SYNPR: variants seen among roughly 807,000 people sequenced by gnomAD.
SYNPR encodes the protein synaptoporin.
SYNPR carries 23 observed loss-of-function variants against 32.9 expected under a neutral mutation model. The observed-to-expected ratio is 0.70, with a 90% CI of 0.50 to 0.99. The LOEUF is 0.99. Among genes scored for constraint, SYNPR ranks in the 50% least tolerant of loss-of-function variants. The probability of loss-of-function intolerance (pLI) is 0.00; values close to 1 mark genes in which losing one functional copy is unlikely to be tolerated. For synonymous variants in SYNPR, 146 were observed against 135.9 expected (o/e 1.07, Z -0.52); for missense variants, 318 against 349.3 (o/e 0.91, Z 0.71).
At chr3:63,325,037 G>A (rs938926) in intron 2 of SYNPR, among the ~76,000 whole-genome samples, 126,646 of 152,128 alleles carry the variant, frequency 0.83, 53,226 homozygotes, top group African/African-American at 0.88. Flanking sequence ...AATGCTTTAT[G>A]AAAATCAGAG....
intron 2 of SYNPR, among the ~76,000 whole-genome samples, chr3:63,305,077 G>T (rs1004659379): frequency 3.3e-5 from 5 of 151,956 alleles, no homozygotes; most frequent in Non-Finnish European, 7.4e-5. Context: ...AAATCTTTAT[G>T]CAGTCCCCTC....
chr3:63,355,107 C>T (rs547132988), intron 2 of SYNPR, among the ~76,000 whole-genome samples: 16 of 152,038 alleles, frequency 1.1e-4, no homozygotes, highest in Admixed American at 7.2e-4. Flanking sequence ...GGTAAAACCC[C>T]GTCTCTACTA....
At chr3:63,412,006 A>C (rs2088473086) in intron 2 of SYNPR, among the ~76,000 whole-genome samples, 1 of 152,108 alleles carries the variant, frequency 6.6e-6, no homozygotes, top group Non-Finnish European at 1.5e-5. Flanking sequence ...GCAGGCCAAG[A>C]GTGGATTACT....
chr3:63,458,430 T>G (rs375203499), intron 2 of SYNPR, among the ~76,000 whole-genome samples: 1 of 152,146 alleles, frequency 6.6e-6, no homozygotes, highest in East Asian at 1.9e-4. Context: ...GTGGTTGTTC[T>G]TTCTAAGGAT....
intron 5 of SYNPR, among the ~76,000 whole-genome samples, chr3:63,610,957 G>C (rs544836126): frequency 1.3e-5 from 2 of 152,182 alleles, no homozygotes; most frequent in African/African-American, 4.8e-5. Context: ...TGAAAGGACA[G>C]GTCCAGTGGT....
At chr3:63,229,302 A>G (rs1157427891) in intron 1 of SYNPR, among the ~76,000 whole-genome samples, 10 of 152,044 alleles carry the variant, frequency 6.6e-5, no homozygotes, top group Non-Finnish European at 1.2e-4. Flanking sequence ...AGCAATTCAC[A>G]TTATCATTGT....
At chr3:63,528,095 C>T (rs1326511196) in intron 3 of SYNPR, among the ~76,000 whole-genome samples, 2 of 152,176 alleles carry the variant, frequency 1.3e-5, no homozygotes, top group Non-Finnish European at 2.9e-5. Flanking sequence ...AAGATAACTA[C>T]AGGAGATAAA....
intron 3 of SYNPR, among the ~76,000 whole-genome samples, chr3:63,513,937 C>A (rs535811452): frequency 1.3e-5 from 2 of 152,052 alleles, no homozygotes; most frequent in Admixed American, 1.3e-4. Context: ...ATTCATAAAC[C>A]TTCTGGAAGT....
At chr3:63,522,103 A>C (rs1304819889) in intron 3 of SYNPR, among the ~76,000 whole-genome samples, 1 of 152,196 alleles carries the variant, frequency 6.6e-6, no homozygotes, top group African/African-American at 2.4e-5. Flanking sequence ...ATTGTACATA[A>C]ACTCATGGAC....
chr3:63,540,292 T>C (rs1702275744), intron 3 of SYNPR, among the ~76,000 whole-genome samples: 1 of 152,112 alleles, frequency 6.6e-6, no homozygotes. Context: ...TCATCTTCTA[T>C]AGACAAAGAA....
intron 2 of SYNPR, among the ~76,000 whole-genome samples, chr3:63,369,280 C>T (rs1038838723): frequency 7.1e-6 from 1 of 141,620 alleles, no homozygotes; most frequent in South Asian, 2.4e-4. Flanking sequence ...ATCCTGGACT[C>T]CAGCCTCCAG....
rs1393769103 is a variant in SYNPR at position 63,494,472 on chromosome 3, TATATAC to T, written c.209+13522_209+13527del. On this transcript the variant is annotated intron_variant, in intron 3 of 5. Transcript: ENST00000478300. ...ACACATATATATACATATATACACA[TATATAC>T]ATATATATACATATATATACATATA... 4.3e-3 allele frequency among the ~76,000 whole-genome samples: 580 copies of T among 135,308 alleles called. 9 individuals carry two copies. Among genetic ancestry groups the T allele is most frequent in the African/African-American group, 0.016 (562 of 34,812 alleles). The allele number at this position is 135,308 out of a possible 152,430, so 88.8% of individuals were successfully genotyped here.
At position 63,423,175 on chromosome 3, in the gene SYNPR, G is replaced by C. The variant is rs117866566; in HGVS notation, c.85-57657G>C. Among the ~76,000 whole-genome samples, 124 of 152,256 alleles carry C rather than the reference G, an allele frequency of 8.1e-4. 1 individual carries two copies. The East Asian group carries it at 0.022, about 27-fold the overall frequency. On this transcript the variant is annotated intron_variant, in intron 2 of 5. Transcript: ENST00000478300. The stretch of plus-strand genomic sequence containing the variant: ...ACATTCATGACTTTGGGAGAAAAGG[G>C]AATAAAATTGGAGACAGACCTAAAA...
At chr3:63,586,376 A>G (rs1245483288) in intron 4 of SYNPR, among the ~76,000 whole-genome samples, 3 of 151,910 alleles carry the variant, frequency 2.0e-5, no homozygotes, top group Non-Finnish European at 4.4e-5. Flanking sequence ...TCAAATGCAG[A>G]AAAAAAATGC....
chr3:63,558,524 G>GA (rs567984933), intron 4 of SYNPR, among the ~76,000 whole-genome samples: 76 of 152,076 alleles, frequency 5.0e-4, no homozygotes, highest in African/African-American at 1.8e-3. Flanking sequence ...GCAGAGACAA[G>GA]GTTTCATCAT....
At chr3:63,382,930 A>G (rs2087991020) in intron 2 of SYNPR, among the ~76,000 whole-genome samples, 1 of 152,174 alleles carries the variant, frequency 6.6e-6, no homozygotes, top group Admixed American at 6.5e-5. Flanking sequence ...ATTCTTTTGT[A>G]TCACTTAATA....
At chr3:63,405,491 G>A (rs2088348089) in intron 2 of SYNPR, among the ~76,000 whole-genome samples, 2 of 152,134 alleles carry the variant, frequency 1.3e-5, no homozygotes, top group African/African-American at 4.8e-5. Context: ...AAAGGATGGA[G>A]AAGGCCTTGT....
At chr3:63,283,419 A>G (rs2086648091) in intron 2 of SYNPR, among the ~76,000 whole-genome samples, 1 of 152,182 alleles carries the variant, frequency 6.6e-6, no homozygotes, top group Non-Finnish European at 1.5e-5. Context: ...GGTACTTTTC[A>G]CTATCTTTTA....
At chr3:63,339,717 G>A (rs184983148) in intron 2 of SYNPR, among the ~76,000 whole-genome samples, 4 of 151,752 alleles carry the variant, frequency 2.6e-5, no homozygotes, top group Admixed American at 6.6e-5. Flanking sequence ...GAGTGCTGTG[G>A]CGAGATCTCA....
Sources: gnomAD v4.1 joint callset for allele counts (sites outside exome capture counted in the v4.1 genomes callset) on GRCh38, gnomAD v4.1.1 for gene constraint, MANE v1.5 for transcripts, NCBI Gene and HGNC (gene_info 2026-07-23, HGNC 2026-07-21) for gene names.